Variants in TLK1 observed in about 807,000 individuals in gnomAD.
TLK1 encodes the protein serine/threonine-protein kinase tousled-like 1.
A neutral mutation model predicts 105.3 loss-of-function variants in TLK1; 24 were observed. The observed-to-expected ratio is 0.23, with a 90% CI of 0.17 to 0.32. TLK1 has a LOEUF of 0.32. Ranked by LOEUF, TLK1 falls within the 10% of genes least tolerant of loss-of-function variation. The pLI is 1.00. For synonymous variants in TLK1, 321 were observed against 310.4 expected, an observed-to-expected ratio of 1.03 and a Z score of -0.36; for missense variants, 558 against 910.5, an observed-to-expected ratio of 0.61 and a Z score of 4.98.
At chr2:171,139,251 G>C (rs1437168624) in intron 1 of TLK1, among the ~76,000 whole-genome samples, 2 of 151,926 alleles carry the variant, frequency 1.3e-5, no homozygotes, top group Non-Finnish European at 2.9e-5. Flanking sequence ...GATTTTATTT[G>C]AATCCAAACT....
intron 1 of TLK1, among the ~76,000 whole-genome samples, chr2:171,143,754 T>C (rs1691684756): frequency 6.6e-6 from 1 of 151,950 alleles, no homozygotes; most frequent in African/African-American, 2.4e-5. Context: ...ACTCATGTAA[T>C]GCAAAAGACA....
intron 1 of TLK1, among the ~76,000 whole-genome samples, chr2:171,181,126 G>T (rs1350694454): frequency 1.3e-5 from 2 of 152,174 alleles, no homozygotes; most frequent in Non-Finnish European, 2.9e-5. Context: ...GAGAGAAACA[G>T]TAGCTGAAAC....
chr2:171,200,588 C>T (rs1467108046), intron 1 of TLK1, among the ~76,000 whole-genome samples: 1 of 152,070 alleles, frequency 6.6e-6, no homozygotes, highest in African/African-American at 2.4e-5. Context: ...GTGGTGCATG[C>T]CTGTAATACC....
At chr2:171,120,248 GAAAAAAAAAAA>G (rs71008751) in intron 1 of TLK1, among the ~76,000 whole-genome samples, 2 of 47,048 alleles carry the variant, frequency 4.3e-5, no homozygotes, top group East Asian at 9.0e-4. Flanking sequence ...GACTCCGTCA[GAAAAAAAAAAA>G]AAAAAAAAAA....
At chr2:171,230,286 C>G (rs978947023) in intron 1 of TLK1, among the ~76,000 whole-genome samples, 5 of 152,196 alleles carry the variant, frequency 3.3e-5, no homozygotes, top group Non-Finnish European at 5.9e-5. Flanking sequence ...TATACTTTGA[C>G]CCACTTCCTT....
At chr2:171,005,507 A>G (rs1293042801) in intron 18 of TLK1, among the ~76,000 whole-genome samples, 1 of 152,182 alleles carries the variant, frequency 6.6e-6, no homozygotes, top group Non-Finnish European at 1.5e-5. Flanking sequence ...GCACTTTGGG[A>G]GAGGCAGATC....
At chr2:171,115,663 G>C (rs543835113) in intron 2 of TLK1, among the ~76,000 whole-genome samples, 2 of 152,278 alleles carry the variant, frequency 1.3e-5, no homozygotes, top group Admixed American at 6.5e-5. Flanking sequence ...TGCATGTCTA[G>C]ACTCTGAAGC....
intron 1 of TLK1, among the ~76,000 whole-genome samples, chr2:171,156,792 A>G (rs1217707109): frequency 6.6e-6 from 1 of 152,040 alleles, no homozygotes; most frequent in African/African-American, 2.4e-5. Context: ...GCAGTCTTTA[A>G]ATATGGAAAC....
At chr2:171,060,035 A>T (rs778335845) in intron 4 of TLK1, 52 of 1,607,724 alleles carry the variant, frequency 3.2e-5, no homozygotes, top group Non-Finnish European at 4.1e-5. Flanking sequence ...AGTCAAGTTT[A>T]CTCCAAAGGA....
chr2:171,013,700 C>T (rs1685040294), intron 13 of TLK1, among the ~76,000 whole-genome samples: 1 of 152,180 alleles, frequency 6.6e-6, no homozygotes, highest in South Asian at 2.1e-4. Context: ...ATGAATTATA[C>T]ATACATAGAC....
intron 1 of TLK1, among the ~76,000 whole-genome samples, chr2:171,222,669 C>T (rs1283378432): frequency 6.6e-6 from 1 of 151,988 alleles, no homozygotes; most frequent in Admixed American, 6.6e-5. Flanking sequence ...TTGATACAAC[C>T]ATATAATGTG....
At chr2:171,102,240 C>T (rs545538053) in intron 2 of TLK1, among the ~76,000 whole-genome samples, 1 of 152,228 alleles carries the variant, frequency 6.6e-6, no homozygotes, top group African/African-American at 2.4e-5. Flanking sequence ...ATTGACCCTG[C>T]CATGGAAGAT....
rs189847179 is a variant in TLK1 at position 171,216,611 on chromosome 2, C to A, written c.-6+14534G>T. Among the ~76,000 whole-genome samples, 71 of 152,250 alleles carry A rather than the reference C, an allele frequency of 4.7e-4. 1 individual carries two copies. The highest frequency in any genetic ancestry group is 8.1e-4 in the Non-Finnish European group (55 of 68,026). On this transcript the variant is annotated intron_variant, in intron 1 of 20. Transcript: ENST00000521943. ...GGTTGAATTGTGTCCCTCCTCACCC[C>A]CTAAAACATATGTTGGAGTCGTAAC...
At chr2:171,069,961 T>C (rs1004530355) in intron 3 of TLK1, among the ~76,000 whole-genome samples, 3 of 152,212 alleles carry the variant, frequency 2.0e-5, no homozygotes, top group African/African-American at 7.2e-5. Context: ...CTCATCCTGA[T>C]TGTATACTAG....
intron 11 of TLK1, among the ~76,000 whole-genome samples, chr2:171,038,466 C>T (rs925928357): frequency 2.6e-5 from 4 of 152,058 alleles, no homozygotes; most frequent in African/African-American, 4.8e-5. Flanking sequence ...AATTTTCTCT[C>T]GATACTCTTT....
At chr2:171,069,778 T>C (rs928192163) in intron 3 of TLK1, among the ~76,000 whole-genome samples, 3 of 152,242 alleles carry the variant, frequency 2.0e-5, no homozygotes, top group Non-Finnish European at 2.9e-5. Context: ...GGATGATTTA[T>C]GGATTATGTA....
intron 1 of TLK1, among the ~76,000 whole-genome samples, chr2:171,137,484 C>T (rs935836258): frequency 2.0e-5 from 3 of 152,170 alleles, no homozygotes; most frequent in South Asian, 2.1e-4. Context: ...AAGCCATCTA[C>T]ATATACACCC....
At chr2:171,173,564 CT>C (rs1197962020) in intron 1 of TLK1, among the ~76,000 whole-genome samples, 1 of 151,174 alleles carries the variant, frequency 6.6e-6, no homozygotes, top group East Asian at 1.9e-4. Context: ...ATTTTTTTTT[CT>C]TTTTTTGGCA....
chr2:171,030,055 A>G (rs541096302), intron 11 of TLK1, among the ~76,000 whole-genome samples: 1 of 152,146 alleles, frequency 6.6e-6, no homozygotes, highest in Admixed American at 6.6e-5. Flanking sequence ...CCATACCCCA[A>G]CTTTAAAAGA....
Sources: allele counts gnomAD v4.1 joint callset (sites outside exome capture counted in the v4.1 genomes callset), GRCh38; gene constraint gnomAD v4.1.1; transcripts MANE v1.5; gene names NCBI Gene and HGNC (gene_info 2026-07-23, HGNC 2026-07-21).